The following TADA2A variants were observed in gnomAD, a reference collection of about 807,000 sequenced individuals.
TADA2A encodes the protein transcriptional adaptor 2A, also known as transcriptional adapter 2-alpha.
A neutral mutation model predicts 67.4 loss-of-function variants in TADA2A; 38 were observed. That is an observed-to-expected ratio of 0.56 (90% CI 0.44 to 0.74). The LOEUF is 0.74. Among genes scored for constraint, TADA2A ranks in the 30% least tolerant of loss-of-function variants. The probability of loss-of-function intolerance (pLI) is 0.00; values close to 1 mark genes in which losing one functional copy is unlikely to be tolerated. For synonymous variants in TADA2A, 192 were observed against 181.6 expected (o/e 1.06, Z -0.46); for missense variants, 454 against 547.0 (o/e 0.83, Z 1.70).
intron 12 of TADA2A, among the ~76,000 whole-genome samples, chr17:37,470,152 G>T (rs191870992): frequency 1.3e-5 from 2 of 152,010 alleles, no homozygotes; most frequent in Admixed American, 6.6e-5. Context: ...TTTTCTGTTG[G>T]TTTTTTTCCC....
chr17:37,477,197 CT>C lies in TADA2A; in HGVS notation c.*216del. 1 of 476,126 alleles carries C rather than the reference CT, an allele frequency of 2.1e-6. No homozygotes were observed. The highest frequency in any genetic ancestry group is 3.7e-6 in the Non-Finnish European group (1 of 272,672). The allele number at this position is 476,126 out of a possible 1,614,324, so 29.5% of individuals were successfully genotyped here. A position where few individuals can be genotyped will look rare whatever the true frequency, so the allele number is the denominator to read the frequency against. On this transcript the variant is annotated 3_prime_UTR_variant, in exon 16 of 16. Transcript: ENST00000615182. ...TGGTATTATGCTGCAGAGTTGTGTG[CT>C]ACATAAGCTATTATTAAATGTGAGT...
intron 4 of TADA2A, among the ~76,000 whole-genome samples, chr17:37,432,320 A>G (rs977801105): frequency 2.0e-5 from 3 of 151,836 alleles, no homozygotes; most frequent in Non-Finnish European, 4.4e-5. Context: ...GGCGTCCACC[A>G]CCGCGCCTGG....
intron 8 of TADA2A, among the ~76,000 whole-genome samples, chr17:37,448,708 C>G (rs1286524901): frequency 6.6e-6 from 1 of 152,110 alleles, no homozygotes; most frequent in Non-Finnish European, 1.5e-5. Context: ...GCCCCATAAC[C>G]CAGGCAAGCA....
chr17:37,473,973 G>T (rs565428617), intron 14 of TADA2A, among the ~76,000 whole-genome samples: 15 of 152,202 alleles, frequency 9.9e-5, no homozygotes, highest in Non-Finnish European at 2.1e-4. Flanking sequence ...TGTCTGTTCT[G>T]CAGTTATTAT....
At chr17:37,413,746 C>G (rs1462553710) in intron 2 of TADA2A, among the ~76,000 whole-genome samples, 1 of 150,622 alleles carries the variant, frequency 6.6e-6, no homozygotes, top group African/African-American at 2.5e-5. Flanking sequence ...AAAGATGATT[C>G]CCCCCCCACC....
At chr17:37,458,634 G>GTT (rs145733561) in intron 9 of TADA2A, 47 bp downstream of exon 9, 159,937 of 1,251,574 alleles carry the variant, frequency 0.13, 13,747 homozygotes, top group Admixed American at 0.23. Context: ...TTGGATTATT[G>GTT]TTTTGTGTGT....
chr17:37,436,147 C>G (rs1389428109), intron 4 of TADA2A, among the ~76,000 whole-genome samples: 1 of 152,024 alleles, frequency 6.6e-6, no homozygotes, highest in African/African-American at 2.4e-5. Flanking sequence ...AACATATACA[C>G]ATACACTAAT....
rs543772170 is a variant in TADA2A at position 37,429,494 on chromosome 17, C to T, written c.192+2485C>T. Among the ~76,000 whole-genome samples the T allele has an allele frequency of 5.1e-4, 78 of 152,076 alleles. 1 individual carries two copies. The Middle Eastern group carries it at 0.017, about 33-fold the overall frequency. On this transcript the variant is annotated intron_variant, in intron 4 of 15. Transcript: ENST00000615182. Reference sequence around the variant, plus strand: ...ACAGGGTTTCTCCATGTTGCCCAGGCAGGTCTCGAACTCAGGGGTTCAAGT... The same window carrying T: ...ACAGGGTTTCTCCATGTTGCCCAGGTAGGTCTCGAACTCAGGGGTTCAAGT...
At chr17:37,453,570 C>T (rs1198840382) in intron 8 of TADA2A, among the ~76,000 whole-genome samples, 2 of 152,094 alleles carry the variant, frequency 1.3e-5, no homozygotes, top group Non-Finnish European at 2.9e-5. Flanking sequence ...TTTGAACATA[C>T]AGTTTAAAAC....
intron 2 of TADA2A, among the ~76,000 whole-genome samples, chr17:37,412,827 A>G (rs1377655532): frequency 1.3e-5 from 2 of 151,980 alleles, no homozygotes; most frequent in African/African-American, 4.8e-5. Context: ...GATTCTGAAT[A>G]TATGAGATTT....
intron 1 of TADA2A, among the ~76,000 whole-genome samples, chr17:37,410,135 GGAGGCAGAGGTT>G: frequency 6.6e-6 from 1 of 152,022 alleles, no homozygotes; most frequent in South Asian, 2.1e-4. Context: ...CTTGAACCTG[GGAGGCAGAGGTT>G]GCAATGAGTA....
At chr17:37,466,209 C>T (rs1359972016) in intron 11 of TADA2A, among the ~76,000 whole-genome samples, 1 of 152,062 alleles carries the variant, frequency 6.6e-6, no homozygotes, top group Non-Finnish European at 1.5e-5. Context: ...TTGCTTGAGT[C>T]GAGGAGTTCG....
chr17:37,423,656 C>G, intron 3 of TADA2A, 41 bp downstream of exon 3: 2 of 1,452,176 alleles, frequency 1.4e-6, no homozygotes, highest in South Asian at 1.2e-5. Flanking sequence ...TAGTTTTATG[C>G]TATTTTTTAT....
At chr17:37,410,423 A>G (rs2051828680) in intron 1 of TADA2A, among the ~76,000 whole-genome samples, 1 of 149,378 alleles carries the variant, frequency 6.7e-6, no homozygotes, top group Admixed American at 6.7e-5. Context: ...TAATCCTCCC[A>G]CGTCAGCCTC....
intron 8 of TADA2A, among the ~76,000 whole-genome samples, chr17:37,456,931 CTT>C (rs2053408857): frequency 6.6e-6 from 1 of 152,084 alleles, no homozygotes. Context: ...TTCCCTGTGT[CTT>C]TAACATGAGA....
intron 8 of TADA2A, among the ~76,000 whole-genome samples, chr17:37,457,578 A>G (rs548648846): frequency 4.7e-4 from 61 of 130,734 alleles, no homozygotes; most frequent in Non-Finnish European, 8.3e-4. Context: ...GCTCACTGCA[A>G]CCTCACCTCC....
In TADA2A at chr17:37,437,820, T is replaced by G; in HGVS notation, c.275T>G (p.Phe92Cys). The G allele has an allele frequency of 6.2e-7, 1 of 1,614,126 alleles. No homozygotes were observed. Among genetic ancestry groups the G allele is most frequent in the Non-Finnish European group, 8.5e-7 (1 of 1,179,976 alleles). The change falls in exon 5 of 16, where the codon TTT becomes TGT. Residue 92 changes from phenylalanine (F) to cysteine (C), a missense_variant. Phe to Cys is a radical substitution (Grantham distance 205, BLOSUM62 -2). Around this residue, in one of 2 missense-constraint regions of TADA2A, gnomAD observed 403 missense variants for 455.5 expected, o/e 0.88. Transcript: ENST00000615182. ...ALLEAVMDCG[F>C]GNWQDVANQM... ...TTAGAAGCTGTGATGGACTGTGGCTTTGGAAATTGGTAAGAGCTTGGTGTT... is the reference window on the plus strand; with the variant it reads ...TTAGAAGCTGTGATGGACTGTGGCTGTGGAAATTGGTAAGAGCTTGGTGTT...
intron 14 of TADA2A, among the ~76,000 whole-genome samples, 167 bp from the exon 15 acceptor site, chr17:37,474,389 C>T (rs1336836660): frequency 6.6e-6 from 1 of 152,052 alleles, no homozygotes; most frequent in East Asian, 1.9e-4. Flanking sequence ...TGTTCGGGTG[C>T]CCATGTTGTT....
At chr17:37,411,553 G>A (rs1422226812) in intron 2 of TADA2A, among the ~76,000 whole-genome samples, 163 bp downstream of exon 2, 1 of 152,040 alleles carries the variant, frequency 6.6e-6, no homozygotes, top group East Asian at 1.9e-4. Context: ...CGCCTGAGTA[G>A]CTAGGACTAC....
Sources: allele counts gnomAD v4.1 joint callset (sites outside exome capture counted in the v4.1 genomes callset), GRCh38; gene constraint gnomAD v4.1.1; regional missense constraint gnomAD v4.1.1; transcripts MANE v1.5; gene names NCBI Gene and HGNC (gene_info 2026-07-23, HGNC 2026-07-21).